Variants in ANKRD6 observed in about 807,000 individuals in gnomAD.
The protein encoded by ANKRD6 is ankyrin repeat domain 6.
A neutral mutation model predicts 82.3 loss-of-function variants in ANKRD6; 56 were observed. The observed-to-expected ratio is 0.68, with a 90% CI of 0.55 to 0.85. The LOEUF is 0.85. Ranked by LOEUF, ANKRD6 falls within the 40% of genes least tolerant of loss-of-function variation. The probability of loss-of-function intolerance (pLI) is 0.00; values close to 1 mark genes in which losing one functional copy is unlikely to be tolerated. For missense variants in ANKRD6, 852 were observed against 907.6 expected (o/e 0.94, Z 0.79); for synonymous variants, 347 against 352.1 (o/e 0.99, Z 0.16).
chr6:89,570,185 A>G (rs1789513355), intron 2 of ANKRD6, among the ~76,000 whole-genome samples: 3 of 151,808 alleles, frequency 2.0e-5, no homozygotes, highest in African/African-American at 2.4e-5. Flanking sequence ...GGTTCAAGCA[A>G]TCCTCCCACC....
At chr6:89,465,856 C>G (rs1378434095) in intron 1 of ANKRD6, among the ~76,000 whole-genome samples, 1 of 151,714 alleles carries the variant, frequency 6.6e-6, no homozygotes, top group South Asian at 2.1e-4. Flanking sequence ...GAGTGAGACC[C>G]TATCTCAAAA....
chr6:89,632,955 TCTC>T lies in ANKRD6; in HGVS notation c.*1954_*1956del, dbSNP rs1807695878. 1 of 152,218 alleles carries T rather than the reference TCTC, an allele frequency of 6.6e-6. No homozygotes were observed. Among genetic ancestry groups the T allele is most frequent in the African/African-American group, 2.4e-5 (1 of 41,442 alleles). 9.4% of individuals were successfully genotyped at this position (152,218 alleles called of 1,614,324 possible). A position where few individuals can be genotyped will look rare whatever the true frequency, so the allele number is the denominator to read the frequency against. On this transcript the variant is annotated 3_prime_UTR_variant, in exon 16 of 16. Transcript: ENST00000339746. Reference sequence around the variant, plus strand: ...GGAATTATTTTCACTTACCAAAATATCTCCTATTACCTCAAGGTATCCTTGTTG... The same window carrying T: ...GGAATTATTTTCACTTACCAAAATATCTATTACCTCAAGGTATCCTTGTTG...
chr6:89,498,615 A>G (rs549853221), intron 1 of ANKRD6, among the ~76,000 whole-genome samples: 1 of 152,224 alleles, frequency 6.6e-6, no homozygotes, highest in South Asian at 2.1e-4. Context: ...GTTATAGAGA[A>G]TGATGTGAAG....
chr6:89,465,785 C>T (rs1290372202), intron 1 of ANKRD6, among the ~76,000 whole-genome samples: 1 of 151,874 alleles, frequency 6.6e-6, no homozygotes, highest in African/African-American at 2.4e-5. Flanking sequence ...ATCACTTGAG[C>T]CCGGGAGATC....
chr6:89,453,705 G>A (rs1369719021), intron 1 of ANKRD6, among the ~76,000 whole-genome samples: 1 of 151,874 alleles, frequency 6.6e-6, no homozygotes, highest in African/African-American at 2.4e-5. Flanking sequence ...TCGGCCTGCC[G>A]AGTAGCTGAG....
intron 1 of ANKRD6, among the ~76,000 whole-genome samples, chr6:89,462,231 C>A (rs371184177): frequency 1.8e-5 from 1 of 55,916 alleles, no homozygotes; most frequent in Admixed American, 1.8e-4. Context: ...GACTCCATCT[C>A]AAAATAATAA....
At chr6:89,555,620 T>G (rs1485058104) in intron 1 of ANKRD6, among the ~76,000 whole-genome samples, 1 of 152,050 alleles carries the variant, frequency 6.6e-6, no homozygotes, top group African/African-American at 2.4e-5. Flanking sequence ...AGAAGGAGTT[T>G]GGACAAGATT....
rs543811013 is a variant in ANKRD6 at position 89,631,376 on chromosome 6, G to A, written c.*372G>A. 166 of 165,126 alleles carry A rather than the reference G, an allele frequency of 1.0e-3. No individual in the cohort carries two copies. The highest frequency in any genetic ancestry group is 3.8e-3 in the African/African-American group (158 of 41,820). 10.2% of individuals were successfully genotyped at this position (165,126 alleles called of 1,614,324 possible). A position where few individuals can be genotyped will look rare whatever the true frequency, so the allele number is the denominator to read the frequency against. On this transcript the variant is annotated 3_prime_UTR_variant, in exon 16 of 16. Transcript: ENST00000339746. The stretch of plus-strand genomic sequence containing the variant: ...AATATAAGTCAAAAGCAAGAAAAAC[G>A]TAATCCCGTCTGAACTCAAGTAGTC...
Position 89,624,520 on chromosome 6 carries a change from T to A in ANKRD6, c.1219-19T>A. 5.2e-6 allele frequency: 8 copies of A among 1,551,592 alleles called. No individual in the cohort carries two copies. Among genetic ancestry groups the A allele is most frequent in the Non-Finnish European group, 6.1e-6 (7 of 1,146,756 alleles). ...AAGGAATGAACAAGGGATTGATTCC[T>A]TTTTTGTTTCTCTCTTAGGCACCAA... On this transcript the variant is annotated intron_variant, in intron 12 of 15. Transcript: ENST00000339746.
At chr6:89,570,228 G>A (rs1377200104) in intron 2 of ANKRD6, among the ~76,000 whole-genome samples, 1 of 151,938 alleles carries the variant, frequency 6.6e-6, no homozygotes, top group East Asian at 1.9e-4. Flanking sequence ...CTACAGGCAT[G>A]CACACTGTTA....
intron 1 of ANKRD6, among the ~76,000 whole-genome samples, chr6:89,496,114 G>A (rs187295917): frequency 6.6e-6 from 1 of 151,842 alleles, no homozygotes; most frequent in Non-Finnish European, 1.5e-5. Context: ...AGACTCCGGA[G>A]TTGTGCTTCT....
At chr6:89,482,302 A>G in intron 1 of ANKRD6, among the ~76,000 whole-genome samples, 1 of 152,222 alleles carries the variant, frequency 6.6e-6, no homozygotes, top group East Asian at 1.9e-4. Flanking sequence ...TTTCAAACCA[A>G]AATAAATGGC....
In ANKRD6 at chr6:89,616,609, G is replaced by C. The variant is rs1801648191; in HGVS notation, c.666G>C (p.Val222=). Residue 222 remains valine, a synonymous_variant, in exon 8 of 16, where the codon GTG becomes GTC. Coordinates refer to ENST00000339746, the MANE Select transcript of ANKRD6 (RefSeq NM_001242809.2). ...CTGCTGCCCTAAATCACAAGAAGGT[G>C]GCCAAAATCTTACTGGAAGCCGGAG... ...HVAAALNHKK[V]AKILLEAGAD... The C allele has an allele frequency of 1.2e-6, 2 of 1,613,896 alleles. No individual in the cohort carries two copies. The highest frequency in any genetic ancestry group is 1.1e-5 in the South Asian group (1 of 91,090).
chr6:89,467,134 G>A (rs2127781040), intron 1 of ANKRD6, among the ~76,000 whole-genome samples: 1 of 151,826 alleles, frequency 6.6e-6, no homozygotes, highest in East Asian at 1.9e-4. Context: ...TTGGGCTCAG[G>A]AGTTCAAGTC....
chr6:89,436,248 A>G (rs1770622212), intron 1 of ANKRD6, among the ~76,000 whole-genome samples: 1 of 152,228 alleles, frequency 6.6e-6, no homozygotes, highest in Admixed American at 6.5e-5. Flanking sequence ...CGTGTTGGAC[A>G]CTGCCACTCT....
intron 1 of ANKRD6, among the ~76,000 whole-genome samples, chr6:89,555,844 ACACAAT>A (rs369635120): frequency 5.3e-5 from 8 of 152,112 alleles, no homozygotes; most frequent in African/African-American, 1.9e-4. Context: ...GAGAGGAGAA[ACACAAT>A]CACATTTGTG....
At chr6:89,539,883 A>AG (rs1296634879) in intron 1 of ANKRD6, among the ~76,000 whole-genome samples, 3 of 152,074 alleles carry the variant, frequency 2.0e-5, no homozygotes, top group Non-Finnish European at 2.9e-5. Context: ...CAAAAAAAAA[A>AG]AACCAGATGT....
chr6:89,547,205 G>T (rs911790506), intron 1 of ANKRD6, among the ~76,000 whole-genome samples: 11 of 151,950 alleles, frequency 7.2e-5, no homozygotes, highest in African/African-American at 2.4e-4. Flanking sequence ...TTTGGGGGGG[G>T]GGTTACATAT....
chr6:89,520,129 A>G (rs2127965246), intron 1 of ANKRD6, among the ~76,000 whole-genome samples: 1 of 152,260 alleles, frequency 6.6e-6, no homozygotes, highest in South Asian at 2.1e-4. Context: ...GACTACAGGC[A>G]TGCACCACCA....
Sources: allele counts gnomAD v4.1 joint callset (sites outside exome capture counted in the v4.1 genomes callset), GRCh38; gene constraint gnomAD v4.1.1; transcripts MANE v1.5; gene names NCBI Gene and HGNC (gene_info 2026-07-23, HGNC 2026-07-21).